Variants in TRHDE observed in about 807,000 individuals in gnomAD.
TRHDE encodes thyrotropin releasing hormone degrading enzyme.
Under a neutral mutation model 125.7 loss-of-function variants are expected in TRHDE, and 72 were observed. The observed-to-expected ratio is 0.57, with a 90% CI of 0.47 to 0.70. The LOEUF is 0.70. TRHDE is among the 30% of genes least tolerant of loss of function. The pLI is 0.00. For synonymous variants in TRHDE, 509 were observed against 509.1 expected, an observed-to-expected ratio of 1.00 and a Z score of 0.00; for missense variants, 1,110 against 1,327.1, an observed-to-expected ratio of 0.84 and a Z score of 2.54.
intron 5 of TRHDE, among the ~76,000 whole-genome samples, chr12:72,487,063 G>A (rs1877446579): frequency 6.6e-6 from 1 of 151,602 alleles, no homozygotes; most frequent in South Asian, 2.1e-4. Flanking sequence ...AAAGAAGGAA[G>A]AATCTTGAAG....
At chr12:72,351,557 C>G (rs569969637) in intron 2 of TRHDE, among the ~76,000 whole-genome samples, 39 of 151,984 alleles carry the variant, frequency 2.6e-4, no homozygotes, top group Middle Eastern at 3.4e-3. Flanking sequence ...CCTATCCTGT[C>G]CTGTTGATTT....
intron 3 of TRHDE, among the ~76,000 whole-genome samples, chr12:72,453,361 AAAAT>A (rs1875676731): frequency 6.6e-6 from 1 of 152,210 alleles, no homozygotes; most frequent in Non-Finnish European, 1.5e-5. Context: ...GGTATCTGGC[AAAAT>A]AAATTTCTAA....
intron 3 of TRHDE, among the ~76,000 whole-genome samples, chr12:72,395,577 C>T (rs1872756247): frequency 1.3e-5 from 2 of 152,192 alleles, no homozygotes; most frequent in East Asian, 1.9e-4. Flanking sequence ...TCATATCCTC[C>T]ATTTCATTTC....
rs115571019 is a variant in TRHDE at position 72,391,210 on chromosome 12, C to T, written c.1315+13089C>T. ...AAATGAAAAATGTACTCCTGGCCCA[C>T]CTTTTAGTCTTAAAGTCTTTCATTA... On this transcript the variant is annotated intron_variant, in intron 3 of 18. Coordinates refer to ENST00000261180, the MANE Select transcript of TRHDE (RefSeq NM_013381.3). Among the ~76,000 whole-genome samples, 441 of 152,206 alleles carry T rather than the reference C, an allele frequency of 2.9e-3. 5 individuals carry two copies. Among genetic ancestry groups the T allele is most frequent in the Middle Eastern group, 0.01 (3 of 292 alleles).
At chr12:72,229,282 G>T (rs1004659279) in intron 2 of TRHDE, among the ~76,000 whole-genome samples, 1 of 152,176 alleles carries the variant, frequency 6.6e-6, no homozygotes, top group Non-Finnish European at 1.5e-5. Flanking sequence ...AAGAGAAAAG[G>T]CATGTCTTAC....
intron 6 of TRHDE, among the ~76,000 whole-genome samples, chr12:72,517,276 G>T (rs1200457900): frequency 1.3e-5 from 2 of 151,292 alleles, no homozygotes; most frequent in African/African-American, 4.9e-5. Context: ...TCTGGTCCTG[G>T]ACTCTTTTTG....
chr12:72,472,933 A>G (rs952275585), intron 4 of TRHDE, 134 bp from the exon 5 acceptor site: 58 of 739,184 alleles, frequency 7.8e-5, no homozygotes, highest in East Asian at 3.6e-4. Flanking sequence ...GCCACAACAC[A>G]TTTTAAGATC....
intron 3 of TRHDE, among the ~76,000 whole-genome samples, chr12:72,455,563 G>A (rs1482761752): frequency 6.6e-6 from 1 of 151,840 alleles, no homozygotes; most frequent in Non-Finnish European, 1.5e-5. Flanking sequence ...TTTAATGGAT[G>A]GATTTATGTT....
chr12:72,346,465 G>A (rs1237884604), intron 2 of TRHDE, among the ~76,000 whole-genome samples: 1 of 105,494 alleles, frequency 9.5e-6, no homozygotes, highest in Non-Finnish European at 1.9e-5. Flanking sequence ...CTGCCCATGT[G>A]GTGTGCTTTT....
Position 72,370,575 on chromosome 12 carries a change from C to T in TRHDE, c.1189-7420C>T, listed in dbSNP as rs79652534. ...AGTGTCACCTATCACTATATATCTC[C>T]TCACTTTTCTAATTAGTCTTTCTGC... On this transcript the variant is annotated intron_variant, in intron 2 of 18. Transcript: ENST00000261180. 7.9e-3 allele frequency among the ~76,000 whole-genome samples: 1,203 copies of T among 152,218 alleles called. 12 individuals are homozygous for T. Among genetic ancestry groups the T allele is most frequent in the African/African-American group, 0.028 (1,158 of 41,500 alleles).
At chr12:72,317,237 A>G (rs1018976950) in intron 2 of TRHDE, among the ~76,000 whole-genome samples, 29 of 152,186 alleles carry the variant, frequency 1.9e-4, no homozygotes, top group African/African-American at 7.0e-4. Flanking sequence ...GCATCCCCTT[A>G]AAGATGACCA....
chr12:72,175,670 G>T (rs1034546036), intron 2 of TRHDE, among the ~76,000 whole-genome samples: 8 of 152,128 alleles, frequency 5.3e-5, no homozygotes, highest in Non-Finnish European at 7.4e-5. Context: ...GAAAATAATT[G>T]TAACTCTTTA....
intron 3 of TRHDE, among the ~76,000 whole-genome samples, chr12:72,389,717 C>A (rs952357893): frequency 6.6e-6 from 1 of 152,290 alleles, no homozygotes. Context: ...GGTCCCATCT[C>A]CAAATACTAT....
intron 2 of TRHDE, among the ~76,000 whole-genome samples, chr12:72,292,933 G>C (rs1170103697): frequency 6.6e-6 from 1 of 152,126 alleles, no homozygotes; most frequent in African/African-American, 2.4e-5. Flanking sequence ...CGAAGGGTTT[G>C]GGTGGTACAG....
intron 3 of TRHDE, among the ~76,000 whole-genome samples, chr12:72,430,326 C>CATATATACATATATACGT (rs1874399543): frequency 2.1e-5 from 3 of 140,764 alleles, no homozygotes; most frequent in Non-Finnish European, 3.1e-5. Context: ...TACATGTATA[C>CATATATACATATATACGT]ATATATACAT....
At chr12:72,640,619 A>G (rs1443465052) in intron 15 of TRHDE, among the ~76,000 whole-genome samples, 1 of 151,772 alleles carries the variant, frequency 6.6e-6, no homozygotes, top group African/African-American at 2.4e-5. Context: ...TTAGAAATGG[A>G]GCTCTGAGTT....
At chr12:72,443,892 C>G (rs1875145623) in intron 3 of TRHDE, among the ~76,000 whole-genome samples, 1 of 151,672 alleles carries the variant, frequency 6.6e-6, no homozygotes, top group African/African-American at 2.4e-5. Flanking sequence ...CTCAAATATT[C>G]CATAGAAATG....
At chr12:72,413,628 T>C (rs189788440) in intron 3 of TRHDE, among the ~76,000 whole-genome samples, 3 of 152,072 alleles carry the variant, frequency 2.0e-5, no homozygotes, top group East Asian at 1.9e-4. Flanking sequence ...ATTTTATAGA[T>C]AAAAACGAGT....
At chr12:72,472,262 C>T (rs1876684790) in intron 4 of TRHDE, among the ~76,000 whole-genome samples, 1 of 152,154 alleles carries the variant, frequency 6.6e-6, no homozygotes. Context: ...CTTTTCTTCA[C>T]TGAATCTCGT....
Sources: allele counts gnomAD v4.1 joint callset (sites outside exome capture counted in the v4.1 genomes callset), GRCh38; gene constraint gnomAD v4.1.1; transcripts MANE v1.5; gene names NCBI Gene and HGNC (gene_info 2026-07-23, HGNC 2026-07-21).